The following PARP10 variants were observed in gnomAD, a reference collection of about 807,000 sequenced individuals.
PARP10 encodes protein mono-ADP-ribosyltransferase PARP10.
PARP10 carries 56 observed loss-of-function variants against 82.4 expected under a neutral mutation model. That is an observed-to-expected ratio of 0.68 (90% CI 0.55 to 0.85). PARP10 has a LOEUF of 0.85. PARP10 is among the 40% of genes least tolerant of loss of function. The probability of loss-of-function intolerance (pLI) is 0.00; values close to 1 mark genes in which losing one functional copy is unlikely to be tolerated. For missense variants in PARP10, 1,227 were observed against 1,379.4 expected (o/e 0.89, Z 1.75); for synonymous variants, 576 against 601.1 (o/e 0.96, Z 0.61).
At chr8:144,009,408 C>T (rs1404736737) in intron 1 of PARP10, among the ~76,000 whole-genome samples, 3 of 152,202 alleles carry the variant, frequency 2.0e-5, no homozygotes, top group Non-Finnish European at 2.9e-5. Context: ...CAGCCTTCTC[C>T]GGTTTTCCTG....
At chr8:144,005,401 C>A (rs1386971090) in intron 1 of PARP10, among the ~76,000 whole-genome samples, 1 of 152,140 alleles carries the variant, frequency 6.6e-6, no homozygotes, top group Admixed American at 6.5e-5. Context: ...CAAGCACCTA[C>A]AGAAGTGCTG....
chr8:143,977,762 G>T lies in PARP10; in HGVS notation c.2800C>A (p.Pro934Thr). 1.2e-6 allele frequency: 2 copies of T among 1,604,386 alleles called. No homozygotes were observed. Among genetic ancestry groups the T allele is most frequent in the Non-Finnish European group, 8.5e-7 (1 of 1,176,212 alleles). Residue 934 changes from proline to threonine, a missense_variant, in exon 11 of 11, where the codon CCC (proline) becomes ACC (threonine). Pro to Thr is a conservative substitution (Grantham distance 38, BLOSUM62 -1). Coordinates refer to ENST00000313028, the MANE Select transcript of PARP10 (RefSeq NM_032789.5). The part of the protein sequence containing the change: ...ASLSVQDRYS[P>T]PNADGHKAVF... ...GCCTTATGGCCATCGGCGTTGGGGGGCGAGTAGCGGTCCTGCACCGACAGG... is the reference window on the plus strand; with the variant it reads ...GCCTTATGGCCATCGGCGTTGGGGGTCGAGTAGCGGTCCTGCACCGACAGG...
upstream of PARP10, chr8:143,992,987 T>G: frequency 3.0e-6 from 2 of 665,968 alleles, no homozygotes; most frequent in Non-Finnish European, 5.1e-6. Context: ...CCCTCCTGTA[T>G]GTACACTGCA....
chr8:143,980,699 G>A (rs1305699247), intron 9 of PARP10, among the ~76,000 whole-genome samples: 2 of 152,064 alleles, frequency 1.3e-5, no homozygotes, highest in Non-Finnish European at 2.9e-5. Flanking sequence ...GAGTAACCCG[G>A]TGGTCAAGAA....
At chr8:143,991,553 C>A (rs782477140), upstream of PARP10, 1 of 1,580,434 alleles carries the variant, frequency 6.3e-7, no homozygotes, top group Non-Finnish European at 8.6e-7. Context: ...GCCCCTTCCC[C>A]CCCAACCCCT....
rs1198362760 is a variant in PARP10 at position 144,011,522 on chromosome 8, G to C, written c.-80+1008C>G. Among the ~76,000 whole-genome samples, 1 of 152,158 alleles carries C rather than the reference G, an allele frequency of 6.6e-6. No individual in the cohort carries two copies. Among genetic ancestry groups the C allele is most frequent in the Non-Finnish European group, 1.5e-5 (1 of 68,028 alleles). ...CGCTATCCTCTCCCTGCCCCAAAAA[G>C]AGGTTTGAGGGAGAACAGCCACAGA... On this transcript the variant is annotated intron_variant, in intron 1 of 3. Transcript: ENST00000530478. This position sits in a 1 kb window ranked among gnomAD's most constrained non-coding sequence, Gnocchi z 4.5.
chr8:143,998,805 C>A (rs1554751455), intron 1 of PARP10, among the ~76,000 whole-genome samples: 1 of 152,068 alleles, frequency 6.6e-6, no homozygotes, highest in African/African-American at 2.4e-5. Flanking sequence ...CAAAAATTAG[C>A]CAGGCATGGT....
At chr8:144,007,804 G>C (rs568157599) in intron 1 of PARP10, among the ~76,000 whole-genome samples, 88 of 152,326 alleles carry the variant, frequency 5.8e-4, no homozygotes, top group Admixed American at 1.3e-3. Flanking sequence ...CTGGGAAAAT[G>C]TTGAAAGACC....
chr8:144,000,608 C>T (rs11988249), intron 1 of PARP10, among the ~76,000 whole-genome samples: 2,635 of 152,126 alleles, frequency 0.017, 87 homozygotes, highest in African/African-American at 0.06. Flanking sequence ...CCAGCCTGGG[C>T]GACAGAACTG....
At chr8:143,992,917 T>G, upstream of PARP10, 3 of 1,266,768 alleles carry the variant, frequency 2.4e-6, no homozygotes, top group Non-Finnish European at 3.3e-6. Context: ...CAGTGCCAGC[T>G]GTACTTCCCC....
At chr8:144,003,862 CAA>C (rs1172602681) in intron 1 of PARP10, among the ~76,000 whole-genome samples, 1 of 142,130 alleles carries the variant, frequency 7.0e-6, no homozygotes, top group Non-Finnish European at 1.5e-5. Context: ...CCCATCTCTA[CAA>C]AAAAAAAAAA....
At chr8:143,984,141 G>A (rs371873559) in intron 6 of PARP10, 37 bp from the exon 7 acceptor site, 25 of 1,567,044 alleles carry the variant, frequency 1.6e-5, no homozygotes, top group Non-Finnish European at 2.2e-5. Context: ...TAGCCTCTGG[G>A]CAAGGGCAGA....
At chr8:143,988,192 C>T (rs1834027961), upstream of PARP10, among the ~76,000 whole-genome samples, 1 of 138,110 alleles carries the variant, frequency 7.2e-6, no homozygotes, top group South Asian at 2.6e-4. Context: ...CCCTTTCACC[C>T]AGGCTGGAGT....
rs369343963 is a variant in PARP10, at chr8:143,977,720, C to G, written c.2842G>C (p.Val948Leu). ...DGHKAVFVAR[V>L]LTGDYGQGRR... ...CCCTGCCCGTAGTCGCCAGTCAGCA[C>G]CCGTGCCACGAACACCGCCTTATGG... is the stretch of plus-strand genomic sequence containing the variant. Residue 948 changes from valine (V) to leucine (L), a missense_variant, in exon 11 of 11, where the codon GTG becomes CTG. Physicochemically the swap from Val to Leu is conservative, Grantham distance 32. Coordinates refer to ENST00000313028, the MANE Select transcript of PARP10 (RefSeq NM_032789.5). 5.9e-5 allele frequency: 95 copies of G among 1,598,620 alleles called. No homozygotes were observed. The highest frequency in any genetic ancestry group is 1.8e-5 in the Non-Finnish European group (21 of 1,173,512).
intron 1 of PARP10, among the ~76,000 whole-genome samples, chr8:144,004,933 C>T (rs1834224594): frequency 6.6e-6 from 1 of 152,088 alleles, no homozygotes; most frequent in African/African-American, 2.4e-5. Context: ...AATCCCAGAA[C>T]TTTGGGAGGC....
chr8:143,977,384 C>T lies in PARP10; in HGVS notation c.*100G>A. 1 of 1,186,310 alleles carries T rather than the reference C, an allele frequency of 8.4e-7. No homozygotes were observed. Among genetic ancestry groups the T allele is most frequent in the East Asian group, 2.6e-5 (1 of 38,742 alleles). The allele number at this position is 1,186,310 out of a possible 1,614,324, so 73.5% of individuals were successfully genotyped here. ...GCCCGCAGAGGGAGGCAGGGGCGTC[C>T]CCGGGGACAGCTCAGGCGGCCACAG... On this transcript the variant is annotated 3_prime_UTR_variant, in exon 11 of 11. Coordinates refer to ENST00000313028, the MANE Select transcript of PARP10 (RefSeq NM_032789.5).
At chr8:143,991,816 C>T, upstream of PARP10, 1 of 1,608,074 alleles carries the variant, frequency 6.2e-7, no homozygotes, top group Non-Finnish European at 8.5e-7. Context: ...TGGGTAGGGG[C>T]ATCTCCAAGG....
intron 9 of PARP10, 73 bp downstream of exon 9, chr8:143,982,859 C>A: frequency 6.3e-7 from 1 of 1,576,440 alleles, no homozygotes; most frequent in Non-Finnish European, 8.6e-7. Context: ...GGACAGGCCA[C>A]AGACTTGGCA....
At chr8:143,995,483 G>A (rs533642557), upstream of PARP10, among the ~76,000 whole-genome samples, 218 of 152,296 alleles carry the variant, frequency 1.4e-3, no homozygotes, top group African/African-American at 4.7e-3. Flanking sequence ...GTCCGAGTAC[G>A]TGGTGATGTG....
Sources: allele counts gnomAD v4.1 joint callset (sites outside exome capture counted in the v4.1 genomes callset), GRCh38; gene constraint gnomAD v4.1.1; non-coding constraint Gnocchi (gnomAD v3.1); transcripts MANE v1.5; gene names NCBI Gene and HGNC (gene_info 2026-07-23, HGNC 2026-07-21).